EXT1: variants seen among roughly 807,000 people sequenced by gnomAD.
EXT1 encodes exostosin glycosyltransferase 1.
EXT1 carries 20 observed loss-of-function variants against 82.5 expected under a neutral mutation model. The ratio of observed to expected loss-of-function variants is 0.24; its 90% CI spans 0.17 to 0.35. The LOEUF is 0.35. Among genes scored for constraint, EXT1 ranks in the 10% least tolerant of loss-of-function variants. EXT1 has a pLI of 1.00. For synonymous variants in EXT1, 348 were observed against 350.8 expected, an observed-to-expected ratio of 0.99 and a Z score of 0.09; for missense variants, 757 against 936.5, an observed-to-expected ratio of 0.81 and a Z score of 2.50.
chr8:118,103,656 C>G (rs2130027916), intron 1 of EXT1, among the ~76,000 whole-genome samples: 1 of 152,220 alleles, frequency 6.6e-6, no homozygotes, highest in Admixed American at 6.5e-5. Flanking sequence ...TTCACTTTCA[C>G]TTACAATCAC....
Position 117,849,267 on chromosome 8 carries a change from T to C in EXT1, c.963-12066A>G, listed in dbSNP as rs148218004. ...ATTTACCAAGGTCAGAATTCACACA[T>C]GTATTTGTTTTACTGGCTTACCTTC... On this transcript the variant is annotated intron_variant, in intron 1 of 10. Transcript: ENST00000378204. Among the ~76,000 whole-genome samples, 160 of 152,328 alleles carry C rather than the reference T, an allele frequency of 1.1e-3. 1 individual carries two copies. In the East Asian group the frequency reaches 0.027, roughly 26 times the overall value.
At chr8:117,926,193 G>A (rs1394448452) in intron 1 of EXT1, among the ~76,000 whole-genome samples, 1 of 152,156 alleles carries the variant, frequency 6.6e-6, no homozygotes, top group East Asian at 1.9e-4. Flanking sequence ...GTGTCATGGG[G>A]AACTTTGATA....
chr8:117,799,567 C>T lies in EXT1; in HGVS notation c.*145G>A, dbSNP rs1332433373. On this transcript the variant is annotated 3_prime_UTR_variant, in exon 11 of 11. Transcript: ENST00000378204. ...AGCCAGGAGTTGAGTTCTCATTGGC[C>T]TTTTTTTTTTTGTCATTCTGCTCAT... 5.1e-6 allele frequency: 4 copies of T among 789,134 alleles called. No individual in the cohort carries two copies. The highest frequency in any genetic ancestry group is 3.0e-5 in the East Asian group (1 of 32,846). The allele number at this position is 789,134 out of a possible 1,614,324, so 48.9% of individuals were successfully genotyped here.
At position 118,110,876 on chromosome 8, in the gene EXT1, G is replaced by A; in HGVS notation, c.171C>T (p.Arg57=). 1 of 1,613,154 alleles carries A rather than the reference G, an allele frequency of 6.2e-7. No homozygotes were observed. The highest frequency in any genetic ancestry group is 8.5e-7 in the Non-Finnish European group (1 of 1,179,204). The part of the protein sequence containing the change: ...HHPSPDHFWP[R]FPDALRPFVP... The stretch of plus-strand genomic sequence containing the variant: ...CGAAGGGGCGCAGAGCGTCCGGGAA[G>A]CGGGGCCAGAAATGATCCGGACTGG... The change falls in exon 1 of 11, where the codon CGC becomes CGT. Residue 57 remains arginine (R), a synonymous_variant. Transcript: ENST00000378204.
chr8:117,809,163 G>A (rs902827647), intron 8 of EXT1, among the ~76,000 whole-genome samples: 7 of 147,478 alleles, frequency 4.7e-5, no homozygotes, highest in Non-Finnish European at 8.9e-5. Context: ...GTGTATGTAT[G>A]TATGTATGTA....
chr8:117,828,108 A>C (rs2129765302), intron 4 of EXT1, among the ~76,000 whole-genome samples: 1 of 152,280 alleles, frequency 6.6e-6, no homozygotes, highest in South Asian at 2.1e-4. Context: ...CAAGTATATA[A>C]AGACTCCTTT....
chr8:117,894,396 T>C (rs1813300037), intron 1 of EXT1, among the ~76,000 whole-genome samples: 1 of 152,122 alleles, frequency 6.6e-6, no homozygotes, highest in South Asian at 2.1e-4. Context: ...GTGTTGTGTA[T>C]GAGGCTGGTG....
intron 1 of EXT1, among the ~76,000 whole-genome samples, chr8:118,077,094 A>G (rs1817227086): frequency 1.3e-5 from 2 of 152,242 alleles, no homozygotes; most frequent in African/African-American, 4.8e-5. Context: ...TTAAAATAAC[A>G]TAAACAAATG....
intron 1 of EXT1, among the ~76,000 whole-genome samples, chr8:117,899,186 T>C (rs769127134): frequency 6.6e-6 from 1 of 152,240 alleles, no homozygotes; most frequent in Non-Finnish European, 1.5e-5. Context: ...ACATTATCTG[T>C]CTAAATGCAC....
chr8:117,822,573 G>C lies in EXT1; in HGVS notation c.1309C>G (p.His437Asp), dbSNP rs1277354611. 1 of 1,613,128 alleles carries C rather than the reference G, an allele frequency of 6.2e-7. No homozygotes were observed. The highest frequency in any genetic ancestry group is 8.5e-7 in the Non-Finnish European group (1 of 1,179,636). ...LEIIQDRIFK[H>D]ISRNSLIWNK... ...CATATTAAACTGTTACGTGATATGT[G>C]CTTGAATATTCTGTCCTGAATAATC... Residue 437 changes from histidine to aspartate, a missense_variant, in exon 5 of 11, where the codon CAC becomes GAC. Physicochemically the swap from His to Asp is moderately conservative, Grantham distance 81 (BLOSUM62 -1). Coordinates refer to ENST00000378204, the MANE Select transcript of EXT1 (RefSeq NM_000127.3).
intron 1 of EXT1, among the ~76,000 whole-genome samples, chr8:117,970,764 G>T (rs556549458): frequency 6.6e-6 from 1 of 152,262 alleles, no homozygotes; most frequent in Admixed American, 6.5e-5. Context: ...TCCAAAATCT[G>T]ACTTAAATGA....
chr8:118,081,162 A>G (rs1817320913), intron 1 of EXT1, among the ~76,000 whole-genome samples: 2 of 152,192 alleles, frequency 1.3e-5, no homozygotes, highest in South Asian at 2.1e-4. Context: ...CAATTAAATG[A>G]CACGCAAAAG....
chr8:117,990,393 T>G (rs1815408439), intron 1 of EXT1, among the ~76,000 whole-genome samples: 1 of 152,178 alleles, frequency 6.6e-6, no homozygotes, highest in South Asian at 2.1e-4. Flanking sequence ...TAGAACCAGA[T>G]TTCACAAAAA....
At chr8:118,090,628 A>C (rs1391667758) in intron 1 of EXT1, among the ~76,000 whole-genome samples, 1 of 151,440 alleles carries the variant, frequency 6.6e-6, no homozygotes, top group Admixed American at 6.6e-5. Context: ...AAATACAAAA[A>C]ATTAACTGCG....
intron 1 of EXT1, among the ~76,000 whole-genome samples, chr8:117,995,122 T>A (rs921557558): frequency 1.1e-4 from 17 of 152,274 alleles, no homozygotes; most frequent in Non-Finnish European, 1.9e-4. Flanking sequence ...TCACCCTCAT[T>A]TTTTTAAGAT....
At chr8:118,083,964 G>A (rs1817376948) in intron 1 of EXT1, among the ~76,000 whole-genome samples, 1 of 152,154 alleles carries the variant, frequency 6.6e-6, no homozygotes, top group Non-Finnish European at 1.5e-5. Flanking sequence ...GGGAGGCAGA[G>A]GCTGTAGTGA....
chr8:118,095,827 A>G (rs1817600968), intron 1 of EXT1, among the ~76,000 whole-genome samples: 1 of 152,192 alleles, frequency 6.6e-6, no homozygotes, highest in South Asian at 2.1e-4. Flanking sequence ...GACACCCTCT[A>G]TTTTACCTAT....
At chr8:118,064,584 G>A (rs887682565) in intron 1 of EXT1, among the ~76,000 whole-genome samples, 2 of 152,070 alleles carry the variant, frequency 1.3e-5, no homozygotes, top group Admixed American at 6.6e-5. Flanking sequence ...ATCATTGATG[G>A]GCATCTGGGT....
chr8:117,816,103 C>G (rs1310666841), intron 7 of EXT1, among the ~76,000 whole-genome samples: 2 of 151,944 alleles, frequency 1.3e-5, no homozygotes, highest in African/African-American at 4.8e-5. Flanking sequence ...ATCCACAGTG[C>G]GCCCACACTT....
Sources: gnomAD v4.1 joint callset for allele counts (sites outside exome capture counted in the v4.1 genomes callset) on GRCh38, gnomAD v4.1.1 for gene constraint, MANE v1.5 for transcripts, NCBI Gene and HGNC (gene_info 2026-07-23, HGNC 2026-07-21) for gene names.